Variants in EFCAB6 observed in about 807,000 individuals in gnomAD.
EFCAB6 encodes the protein EF-hand calcium-binding domain-containing protein 6.
A neutral mutation model predicts 169.8 loss-of-function variants in EFCAB6; 156 were observed. The observed-to-expected ratio is 0.92, with a 90% CI of 0.81 to 1.05. EFCAB6 has a LOEUF of 1.05. Among genes scored for constraint, EFCAB6 ranks in the 50% least tolerant of loss-of-function variants. The pLI is 0.00. For missense variants in EFCAB6, 1,800 were observed against 1,829.1 expected, an observed-to-expected ratio of 0.98 and a Z score of 0.29; for synonymous variants, 698 against 676.4, an observed-to-expected ratio of 1.03 and a Z score of -0.50.
At chr22:43,808,628 TAAATC>T (rs2063001394) in intron 2 of EFCAB6, among the ~76,000 whole-genome samples, 1 of 151,980 alleles carries the variant, frequency 6.6e-6, no homozygotes, top group Non-Finnish European at 1.5e-5. Flanking sequence ...TACAGAAAGA[TAAATC>T]AGACAGAGCA....
At chr22:43,569,011 G>GAGA (rs1292419174) in intron 26 of EFCAB6, among the ~76,000 whole-genome samples, 1 of 152,194 alleles carries the variant, frequency 6.6e-6, no homozygotes, top group Non-Finnish European at 1.5e-5. Flanking sequence ...CCTGCAAGAG[G>GAGA]CATCAGAAAC....
chr22:43,692,653 G>T (rs908701564), intron 10 of EFCAB6, among the ~76,000 whole-genome samples: 1 of 152,150 alleles, frequency 6.6e-6, no homozygotes, highest in South Asian at 2.1e-4. Context: ...AAGAGTGAGT[G>T]AACTTAAATA....
chr22:43,570,365 A>G (rs1054834827), intron 26 of EFCAB6, among the ~76,000 whole-genome samples: 1 of 152,206 alleles, frequency 6.6e-6, no homozygotes, highest in Non-Finnish European at 1.5e-5. Context: ...CTATTTCTGC[A>G]CTGAGTGTTA....
chr22:43,723,168 G>A (rs1016303030), intron 8 of EFCAB6, among the ~76,000 whole-genome samples: 3 of 152,228 alleles, frequency 2.0e-5, no homozygotes, highest in Non-Finnish European at 4.4e-5. Flanking sequence ...TTTAAGGGAT[G>A]AGGAGTTGTT....
At chr22:43,643,735 C>A (rs1161412568) in intron 17 of EFCAB6, among the ~76,000 whole-genome samples, 2 of 152,212 alleles carry the variant, frequency 1.3e-5, no homozygotes, top group Non-Finnish European at 2.9e-5. Flanking sequence ...ATGTTTGGAA[C>A]AGGTCTACAG....
intron 27 of EFCAB6, among the ~76,000 whole-genome samples, chr22:43,544,295 T>C (rs2047915579): frequency 6.6e-6 from 1 of 152,176 alleles, no homozygotes; most frequent in Non-Finnish European, 1.5e-5. Context: ...TCAAATTGAC[T>C]GCACCTATGC....
intron 6 of EFCAB6, among the ~76,000 whole-genome samples, chr22:43,751,871 C>T (rs138280411): frequency 3.3e-5 from 5 of 152,288 alleles, no homozygotes; most frequent in South Asian, 4.1e-4. Context: ...GGGATAACAA[C>T]GGCACCTGCC....
At chr22:43,672,195 C>T (rs1475748185) in intron 14 of EFCAB6, 51 bp downstream of exon 14, 9 of 1,613,918 alleles carry the variant, frequency 5.6e-6, no homozygotes, top group South Asian at 1.1e-5. Flanking sequence ...GTAACAGTAA[C>T]CTCAAACCAT....
intron 7 of EFCAB6, among the ~76,000 whole-genome samples, chr22:43,732,147 G>A (rs534329609): frequency 3.3e-5 from 5 of 152,264 alleles, no homozygotes; most frequent in South Asian, 2.1e-4. Flanking sequence ...CTGTCTGCAC[G>A]GCAGCTGCCT....
At chr22:43,711,451 TC>T in intron 10 of EFCAB6, 23 bp downstream of exon 10, 1 of 1,539,158 alleles carries the variant, frequency 6.5e-7, no homozygotes, top group Non-Finnish European at 8.7e-7. Flanking sequence ...GAAAAAAATG[TC>T]AAGGAAACAA....
chr22:43,573,892 CAT>C (rs2050058665), intron 26 of EFCAB6, among the ~76,000 whole-genome samples: 1 of 152,112 alleles, frequency 6.6e-6, no homozygotes, highest in African/African-American at 2.4e-5. Flanking sequence ...CAGCTTAAAT[CAT>C]ATGAAATTGT....
chr22:43,620,556 T>C (rs1347838310), intron 20 of EFCAB6, among the ~76,000 whole-genome samples: 2 of 152,124 alleles, frequency 1.3e-5, no homozygotes, highest in African/African-American at 4.8e-5. Flanking sequence ...CTAAGACAAT[T>C]TGTCTCCAAC....
chr22:43,586,625 C>A (rs1366906240), intron 24 of EFCAB6, among the ~76,000 whole-genome samples: 1 of 152,010 alleles, frequency 6.6e-6, no homozygotes, highest in Non-Finnish European at 1.5e-5. Context: ...AATAAGACTT[C>A]CAGTTAAATA....
chr22:43,648,523 A>G (rs944748116), intron 17 of EFCAB6, among the ~76,000 whole-genome samples: 1 of 152,168 alleles, frequency 6.6e-6, no homozygotes, highest in Non-Finnish European at 1.5e-5. Flanking sequence ...CACAGACACA[A>G]TGATGAGAAT....
chr22:43,678,422 A>G (rs2057868577), intron 12 of EFCAB6, among the ~76,000 whole-genome samples: 1 of 151,140 alleles, frequency 6.6e-6, no homozygotes, highest in Non-Finnish European at 1.5e-5. Context: ...CTATCAGGAC[A>G]TGGCTTTGGG....
At chr22:43,557,895 G>C (rs1473099775) in intron 26 of EFCAB6, among the ~76,000 whole-genome samples, 6 of 152,152 alleles carry the variant, frequency 3.9e-5, no homozygotes, top group African/African-American at 1.4e-4. Context: ...AAGGCCACAT[G>C]TCAACAGATA....
intron 8 of EFCAB6, among the ~76,000 whole-genome samples, chr22:43,724,367 C>CTTTTTTTTTTTT (rs58226287): frequency 9.3e-6 from 1 of 107,902 alleles, no homozygotes; most frequent in Non-Finnish European, 1.9e-5. Flanking sequence ...TTTCTTTTTT[C>CTTTTTTTTTTTT]TTTTTTTTTT....
chr22:43,602,037 T>G (rs778867773), intron 22 of EFCAB6, among the ~76,000 whole-genome samples: 1 of 152,242 alleles, frequency 6.6e-6, no homozygotes, highest in African/African-American at 2.4e-5. Context: ...AGGGTGCAGA[T>G]AGAGGGCTCT....
rs117480945 is a variant in EFCAB6 at position 43,560,597 on chromosome 22, T to G, written c.3421-5501A>C. Among the ~76,000 whole-genome samples, 1,284 of 152,288 alleles carry G rather than the reference T, an allele frequency of 8.4e-3. 9 individuals are homozygous for G. Among genetic ancestry groups the G allele is most frequent in the Non-Finnish European group, 0.014 (956 of 68,016 alleles). ...GCAACTGGCTGGGACATGGCCCTGG[T>G]TGGGGTGGCCACTGCAGGCCTCCTT... On this transcript the variant is annotated intron_variant, in intron 26 of 31. Coordinates refer to ENST00000262726, the MANE Select transcript of EFCAB6 (RefSeq NM_022785.4).
Sources: gnomAD v4.1 joint callset for allele counts (sites outside exome capture counted in the v4.1 genomes callset) on GRCh38, gnomAD v4.1.1 for gene constraint, MANE v1.5 for transcripts, NCBI Gene and HGNC (gene_info 2026-07-23, HGNC 2026-07-21) for gene names.